SENP6: variants seen among roughly 807,000 people sequenced by gnomAD.
SENP6 encodes sentrin-specific protease 6.
In SENP6, 41 loss-of-function variants were observed where a neutral mutation model predicts 134.5. That is an observed-to-expected ratio of 0.30 (90% CI 0.24 to 0.40). The LOEUF is 0.40. SENP6 is among the 10% of genes least tolerant of loss of function. The pLI is 1.00. For missense variants in SENP6, 1,248 were observed against 1,312.5 expected (o/e 0.95, Z 0.76); for synonymous variants, 395 against 429.8 (o/e 0.92, Z 1.00).
At chr6:75,699,453 A>AT (rs1774884876) in intron 18 of SENP6, among the ~76,000 whole-genome samples, 1 of 111,098 alleles carries the variant, frequency 9.0e-6, no homozygotes, top group Non-Finnish European at 1.8e-5. Context: ...TTTTGTTTTT[A>AT]TTTTTTCTGG....
At chr6:75,634,280 T>A (rs1004737924) in intron 4 of SENP6, among the ~76,000 whole-genome samples, 9 of 152,158 alleles carry the variant, frequency 5.9e-5, no homozygotes, top group African/African-American at 2.2e-4. Flanking sequence ...TATTTAGGAC[T>A]CCTGATTTTT....
Position 75,663,451 on chromosome 6 carries a change from G to A in SENP6, c.927G>A (p.Gly309=). Residue 309 remains glycine (G), a synonymous_variant, in exon 9 of 24, where the codon GGG becomes GGA. Coordinates refer to ENST00000447266, the MANE Select transcript of SENP6 (RefSeq NM_015571.4). ...LQTNGKVILP[G]AKIPKITNLK... ...CTAATGGAAAAGTCATTTTACCTGG[G>A]GCAAAAATACCCAAAATCACAAACT... 6.2e-7 allele frequency: 1 copy of A among 1,612,572 alleles called. No individual in the cohort carries two copies. Among genetic ancestry groups the A allele is most frequent in the Non-Finnish European group, 8.5e-7 (1 of 1,179,586 alleles).
chr6:75,709,690 C>A, intron 20 of SENP6, 60 bp downstream of exon 20: 4 of 1,251,816 alleles, frequency 3.2e-6, no homozygotes, highest in East Asian at 2.4e-5. Flanking sequence ...GTTTTTCTTG[C>A]TGAACATGGT....
chr6:75,690,509 A>T (rs1166769927), intron 16 of SENP6, among the ~76,000 whole-genome samples: 2 of 152,142 alleles, frequency 1.3e-5, no homozygotes, highest in Admixed American at 1.3e-4. Context: ...AGAAAATAGA[A>T]TTGATGTTTA....
chr6:75,643,114 A>G (rs1268594339), intron 6 of SENP6, among the ~76,000 whole-genome samples: 3 of 152,220 alleles, frequency 2.0e-5, no homozygotes, highest in African/African-American at 4.8e-5. Context: ...TAAGGAAGCA[A>G]AAGAGTATGT....
At chr6:75,703,899 T>C (rs540104024) in intron 19 of SENP6, among the ~76,000 whole-genome samples, 16 of 152,342 alleles carry the variant, frequency 1.1e-4, no homozygotes, top group African/African-American at 3.8e-4. Context: ...ATTTTCCATT[T>C]ATTGGAACTT....
intron 3 of SENP6, among the ~76,000 whole-genome samples, chr6:75,632,367 C>T (rs917813959): frequency 6.6e-6 from 1 of 152,092 alleles, no homozygotes; most frequent in African/African-American, 2.4e-5. Flanking sequence ...CTGTGTTAAC[C>T]AGTCAGAATA....
intron 7 of SENP6, among the ~76,000 whole-genome samples, chr6:75,655,663 G>C (rs995680794): frequency 2.6e-5 from 4 of 151,984 alleles, no homozygotes; most frequent in Non-Finnish European, 5.9e-5. Flanking sequence ...TGCATTGTAT[G>C]AGTATAACAA....
intron 3 of SENP6, among the ~76,000 whole-genome samples, chr6:75,630,963 C>T (rs1467761491): frequency 1.3e-5 from 2 of 151,380 alleles, no homozygotes; most frequent in Admixed American, 1.3e-4. Context: ...TTCTTTAGCT[C>T]TATCTTCCAA....
chr6:75,615,391 G>A (rs936235245), intron 1 of SENP6, among the ~76,000 whole-genome samples: 1 of 151,868 alleles, frequency 6.6e-6, no homozygotes, highest in Non-Finnish European at 1.5e-5. Context: ...CATTGGCCAG[G>A]CTAGTCTCAA....
At chr6:75,634,151 T>C (rs1299442376) in intron 4 of SENP6, among the ~76,000 whole-genome samples, 1 of 152,180 alleles carries the variant, frequency 6.6e-6, no homozygotes, top group African/African-American at 2.4e-5. Context: ...TGGGTATCAG[T>C]AGCAACTCAG....
chr6:75,685,643 C>T (rs1773783612), intron 16 of SENP6, among the ~76,000 whole-genome samples: 1 of 152,176 alleles, frequency 6.6e-6, no homozygotes, highest in Non-Finnish European at 1.5e-5. Context: ...TTTCTGTCTT[C>T]ATTTCGTTAT....
At chr6:75,693,420 A>AC (rs1478891859) in intron 16 of SENP6, among the ~76,000 whole-genome samples, 1 of 151,434 alleles carries the variant, frequency 6.6e-6, no homozygotes, top group Admixed American at 6.6e-5. Flanking sequence ...AAAAAAAAAA[A>AC]AAAAAAAAAC....
At chr6:75,611,337 T>C (rs1767434345) in intron 1 of SENP6, 1 of 152,204 alleles carries the variant, frequency 6.6e-6, no homozygotes, top group Admixed American at 6.5e-5. Context: ...TAGTAAATCA[T>C]AATAGCAGTT....
intron 1 of SENP6, among the ~76,000 whole-genome samples, chr6:75,609,197 C>G (rs1201605476): frequency 2.0e-5 from 3 of 152,192 alleles, no homozygotes. Context: ...CTTCCTCTCC[C>G]TTTCTCCCCG....
chr6:75,678,756 G>A lies in SENP6; in HGVS notation c.1959-55G>A, dbSNP rs188731803. ...TCTTTCTCTGTTTTATTACATTTCA[G>A]TTGTGTATATATATATAGATTTGTT... On this transcript the variant is annotated intron_variant, in intron 15 of 23. Coordinates refer to ENST00000447266, the MANE Select transcript of SENP6 (RefSeq NM_015571.4). The A allele has an allele frequency of 1.2e-5, 17 of 1,371,834 alleles. No homozygotes were observed. In the East Asian group the frequency reaches 3.9e-4, roughly 31 times the overall value. 85.0% of individuals were successfully genotyped at this position (1,371,834 alleles called of 1,614,324 possible).
At chr6:75,667,346 TAGAC>T (rs572927289) in intron 10 of SENP6, among the ~76,000 whole-genome samples, 9 of 152,290 alleles carry the variant, frequency 5.9e-5, no homozygotes, top group South Asian at 2.1e-4. Flanking sequence ...ACGATGTCAA[TAGAC>T]AGTGTATCTA....
At chr6:75,708,345 C>A (rs1370193454) in intron 19 of SENP6, among the ~76,000 whole-genome samples, 1 of 152,102 alleles carries the variant, frequency 6.6e-6, no homozygotes, top group Non-Finnish European at 1.5e-5. Context: ...ATCTTAACAC[C>A]TTTTTATTAA....
chr6:75,701,479 G>C (rs1483526141), intron 18 of SENP6, among the ~76,000 whole-genome samples: 1 of 152,038 alleles, frequency 6.6e-6, no homozygotes, highest in Non-Finnish European at 1.5e-5. Flanking sequence ...AATATAGCAT[G>C]AGATAAAACA....
Sources: allele counts gnomAD v4.1 joint callset (sites outside exome capture counted in the v4.1 genomes callset), GRCh38; gene constraint gnomAD v4.1.1; transcripts MANE v1.5; gene names NCBI Gene and HGNC (gene_info 2026-07-23, HGNC 2026-07-21).